FMN2: variants seen among roughly 807,000 people sequenced by gnomAD.
FMN2 encodes the protein formin 2.
A neutral mutation model predicts 142.3 loss-of-function variants in FMN2; 51 were observed. The ratio of observed to expected loss-of-function variants is 0.36; its 90% CI spans 0.29 to 0.45. FMN2 has a LOEUF of 0.45. FMN2 is among the 20% of genes least tolerant of loss of function. The probability of loss-of-function intolerance (pLI) is 1.00; values close to 1 mark genes in which losing one functional copy is unlikely to be tolerated. For missense variants in FMN2, 1,936 were observed against 2,122.8 expected, an observed-to-expected ratio of 0.91 and a Z score of 1.73; for synonymous variants, 882 against 869.8, an observed-to-expected ratio of 1.01 and a Z score of -0.25.
chr1:240,178,016 G>GC lies in FMN2; in HGVS notation c.1880dup (p.Pro628ThrfsTer7). 6.2e-7 allele frequency: 1 copy of GC among 1,612,182 alleles called. No individual in the cohort carries two copies. Among genetic ancestry groups the GC allele is most frequent in the East Asian group, 2.2e-5 (1 of 44,766 alleles). The stretch of plus-strand genomic sequence containing the variant: ...TTCCTAGGCGAGTTCCATCCATGGG[G>GC]CCACCATCCAAACCTCCCGATGAGG... On this transcript the variant is annotated frameshift_variant, in exon 3 of 18. Coordinates refer to ENST00000319653, the MANE Select transcript of FMN2 (RefSeq NM_020066.5). LOFTEE classifies it high-confidence loss of function.
At chr1:240,225,165 T>C (rs1033916405) in intron 6 of FMN2, among the ~76,000 whole-genome samples, 3 of 152,164 alleles carry the variant, frequency 2.0e-5, no homozygotes, top group African/African-American at 7.2e-5. Context: ...AAAAATAATA[T>C]TGCAGTCATC....
chr1:240,383,208 G>T (rs897128436), intron 14 of FMN2, among the ~76,000 whole-genome samples: 1 of 151,932 alleles, frequency 6.6e-6, no homozygotes, highest in Non-Finnish European at 1.5e-5. Flanking sequence ...CCTAGGCAAA[G>T]AATTTATGAC....
chr1:240,118,106 G>T (rs533052919), intron 1 of FMN2, among the ~76,000 whole-genome samples: 1 of 152,256 alleles, frequency 6.6e-6, no homozygotes, highest in East Asian at 1.9e-4. Flanking sequence ...GTTTGAGGAG[G>T]AGAAGGCCAG....
intron 2 of FMN2, among the ~76,000 whole-genome samples, chr1:240,131,533 AC>A (rs1662736190): frequency 6.6e-6 from 1 of 151,354 alleles, no homozygotes; most frequent in African/African-American, 2.4e-5. Context: ...ACATGGTGAA[AC>A]CCCCGCCTCT....
chr1:240,148,840 C>T (rs531071676), intron 2 of FMN2, among the ~76,000 whole-genome samples: 82 of 152,036 alleles, frequency 5.4e-4, no homozygotes, highest in Non-Finnish European at 6.6e-4. Context: ...GGCATGGTGA[C>T]GAGTGCCTGT....
chr1:240,449,011 G>A (rs12094993), intron 16 of FMN2, among the ~76,000 whole-genome samples: 24,474 of 151,610 alleles, frequency 0.16, 2,141 homozygotes, highest in Non-Finnish European at 0.19. Context: ...GCGTGGTGGC[G>A]CCTTCCTGAA....
At chr1:240,264,230 G>A (rs893907414) in intron 7 of FMN2, among the ~76,000 whole-genome samples, 1 of 151,988 alleles carries the variant, frequency 6.6e-6, no homozygotes, top group Non-Finnish European at 1.5e-5. Context: ...TGCTGTTTTG[G>A]TCTGCCATTG....
intron 2 of FMN2, among the ~76,000 whole-genome samples, chr1:240,149,135 C>T (rs10737842): frequency 0.55 from 83,301 of 151,882 alleles, 23,368 homozygotes; most frequent in South Asian, 0.73. Context: ...AACATTGAAC[C>T]TGCAGAATGT....
intron 14 of FMN2, among the ~76,000 whole-genome samples, chr1:240,377,575 T>C (rs1673088337): frequency 6.6e-6 from 1 of 152,162 alleles, no homozygotes; most frequent in South Asian, 2.1e-4. Flanking sequence ...CTCTAGAAGC[T>C]GCCCACATTC....
Position 240,473,880 on chromosome 1 carries a change from T to C in FMN2, c.5143-248T>C, listed in dbSNP as rs757501468. On this transcript the variant is annotated intron_variant, in intron 17 of 17. Transcript: ENST00000319653. This position sits in a 1 kb window ranked among gnomAD's most constrained non-coding sequence, Gnocchi z 4.3. ...ATGGAGAGTTTGACACCCTCTCATA[T>C]TGGTTAGAAGTTAAATTTTTAAAAC... Among the ~76,000 whole-genome samples, 1 of 152,214 alleles carries C rather than the reference T, an allele frequency of 6.6e-6. No individual in the cohort carries two copies. The highest frequency in any genetic ancestry group is 1.5e-5 in the Non-Finnish European group (1 of 68,020).
chr1:240,119,512 A>C (rs1269012946), intron 1 of FMN2, among the ~76,000 whole-genome samples: 1 of 152,180 alleles, frequency 6.6e-6, no homozygotes, highest in Non-Finnish European at 1.5e-5. Context: ...GTCTGGAGAC[A>C]TTTTGGGCTG....
intron 15 of FMN2, among the ~76,000 whole-genome samples, chr1:240,413,120 CAAAAAAAAAA>C (rs35590068): frequency 1.5e-3 from 36 of 24,586 alleles, no homozygotes; most frequent in East Asian, 9.8e-3. Context: ...GAGACTCTGT[CAAAAAAAAAA>C]AAAAAAAAAA....
At chr1:240,167,843 G>A (rs1437048792) in intron 2 of FMN2, among the ~76,000 whole-genome samples, 2 of 152,118 alleles carry the variant, frequency 1.3e-5, no homozygotes, top group African/African-American at 2.4e-5. Context: ...TTGGGAGGCC[G>A]AGGCGAGTGG....
At chr1:240,145,225 T>C in intron 2 of FMN2, 2 of 1,456,624 alleles carry the variant, frequency 1.4e-6, no homozygotes, top group Non-Finnish European at 1.9e-6. Flanking sequence ...CTTGAAGCTG[T>C]TTATCTTCCT....
intron 2 of FMN2, chr1:240,143,013 G>C: frequency 1.3e-6 from 2 of 1,525,436 alleles, no homozygotes; most frequent in South Asian, 2.2e-5. Context: ...GAGCAGCCCA[G>C]CCATGGCCAC....
At chr1:240,332,478 G>A (rs1162943480) in intron 11 of FMN2, among the ~76,000 whole-genome samples, 1 of 151,988 alleles carries the variant, frequency 6.6e-6, no homozygotes, top group Non-Finnish European at 1.5e-5. Context: ...GAAATCTATA[G>A]CATCAATATC....
chr1:240,133,054 C>T (rs2103236723), intron 2 of FMN2, among the ~76,000 whole-genome samples: 2 of 152,334 alleles, frequency 1.3e-5, no homozygotes, highest in Middle Eastern at 6.8e-3. Context: ...CACTGCCAAG[C>T]ATTCTAAATG....
intron 11 of FMN2, among the ~76,000 whole-genome samples, chr1:240,332,632 A>G (rs1422120853): frequency 6.6e-6 from 1 of 152,200 alleles, no homozygotes; most frequent in Admixed American, 6.5e-5. Flanking sequence ...TAAATAATCA[A>G]GAGGTAATCT....
intron 2 of FMN2, among the ~76,000 whole-genome samples, chr1:240,172,401 G>T (rs758990633): frequency 1.3e-5 from 2 of 152,164 alleles, no homozygotes; most frequent in Admixed American, 6.5e-5. Flanking sequence ...GTGAGATAAT[G>T]ATTTTCAATT....
Sources: allele counts gnomAD v4.1 joint callset (sites outside exome capture counted in the v4.1 genomes callset), GRCh38; gene constraint gnomAD v4.1.1; non-coding constraint Gnocchi (gnomAD v3.1); transcripts MANE v1.5; gene names NCBI Gene and HGNC (gene_info 2026-07-23, HGNC 2026-07-21).